Variants in MTF1 observed in about 807,000 individuals in gnomAD.
The protein encoded by MTF1 is metal regulatory transcription factor 1.
Under a neutral mutation model 70.4 loss-of-function variants are expected in MTF1, and 22 were observed. That is an observed-to-expected ratio of 0.31 (90% CI 0.22 to 0.45). The LOEUF (loss-of-function observed/expected upper bound fraction) is 0.45. Ranked by LOEUF, MTF1 falls within the 20% of genes least tolerant of loss-of-function variation. MTF1 has a pLI of 1.00. For missense variants in MTF1, 649 were observed against 922.0 expected, an observed-to-expected ratio of 0.70 and a Z score of 3.83; for synonymous variants, 333 against 352.8, an observed-to-expected ratio of 0.94 and a Z score of 0.63.
At chr1:37,848,241 C>A in intron 2 of MTF1, among the ~76,000 whole-genome samples, 1 of 152,148 alleles carries the variant, frequency 6.6e-6, no homozygotes, top group East Asian at 1.9e-4. Context: ...GAACATCCAG[C>A]GAACAATCAT....
chr1:37,816,400 C>A (rs1376018503), intron 10 of MTF1, among the ~76,000 whole-genome samples: 4 of 151,776 alleles, frequency 2.6e-5, no homozygotes, highest in African/African-American at 7.3e-5. Flanking sequence ...TTAGGCCGGG[C>A]GTGGTGGCTC....
At chr1:37,821,307 G>A (rs1433297260) in intron 9 of MTF1, among the ~76,000 whole-genome samples, 2 of 152,002 alleles carry the variant, frequency 1.3e-5, no homozygotes, top group Non-Finnish European at 2.9e-5. Flanking sequence ...CTGACACATT[G>A]CAGATCCTCA....
intron 7 of MTF1, among the ~76,000 whole-genome samples, chr1:37,824,501 C>A (rs1014669189): frequency 6.6e-6 from 1 of 152,112 alleles, no homozygotes; most frequent in African/African-American, 2.4e-5. Context: ...AGTTTGAGAC[C>A]AGCCTGGAAA....
intron 6 of MTF1, among the ~76,000 whole-genome samples, chr1:37,832,868 C>A (rs950435238): frequency 6.6e-6 from 1 of 151,690 alleles, no homozygotes; most frequent in African/African-American, 2.4e-5. Flanking sequence ...TAGCTAGGCG[C>A]GGTGGTGTGT....
chr1:37,822,432 G>T lies in MTF1; in HGVS notation c.1456C>A (p.Leu486Ile). 2 of 1,614,180 alleles carry T rather than the reference G, an allele frequency of 1.2e-6. No individual in the cohort carries two copies. The highest frequency in any genetic ancestry group is 1.7e-6 in the Non-Finnish European group (2 of 1,180,030). The change falls in exon 9 of 11, where the codon CTT (leucine) becomes ATT (isoleucine). Residue 486 changes from leucine (L) to isoleucine (I), a missense_variant. By Grantham distance (5) the Leu-to-Ile change is conservative. Around this residue, in one of 7 missense-constraint regions of MTF1, gnomAD observed 267 missense variants for 292.1 expected, o/e 0.91. Transcript: ENST00000373036. ...GGCTGCGGTGCCTGGGGGTGCGGAA[G>T]AAACTCTTGATGATTAGCAGCAAAC... ...TQFAANHQEF[L>I]PHPQAPQPIV...
At chr1:37,818,990 G>C (rs1214506937) in intron 9 of MTF1, among the ~76,000 whole-genome samples, 4 of 137,004 alleles carry the variant, frequency 2.9e-5, no homozygotes, top group Non-Finnish European at 6.3e-5. Flanking sequence ...GAGACTCCGT[G>C]TCAAAACAAA....
chr1:37,831,280 A>C (rs1641082104), intron 7 of MTF1, among the ~76,000 whole-genome samples: 1 of 152,208 alleles, frequency 6.6e-6, no homozygotes, highest in Admixed American at 6.5e-5. Context: ...ATAAAAATGC[A>C]GGTTCAGATG....
At chr1:37,850,376 T>C (rs939614127) in intron 2 of MTF1, among the ~76,000 whole-genome samples, 40 of 151,858 alleles carry the variant, frequency 2.6e-4, no homozygotes, top group Non-Finnish European at 4.6e-4. Context: ...GGCAGGAGGA[T>C]TGCTTGAGCC....
At chr1:37,842,115 A>C (rs1321521468) in intron 2 of MTF1, among the ~76,000 whole-genome samples, 1 of 152,070 alleles carries the variant, frequency 6.6e-6, no homozygotes, top group African/African-American at 2.4e-5. Context: ...CCAAAATACA[A>C]AAGTTAGCCA....
intron 4 of MTF1, among the ~76,000 whole-genome samples, chr1:37,837,530 G>A (rs973690407): frequency 2.0e-5 from 3 of 151,490 alleles, no homozygotes; most frequent in African/African-American, 7.3e-5. Context: ...TTTTGAGACA[G>A]AGTCTCACTC....
In MTF1 at chr1:37,810,498, A is replaced by G. The variant is rs1640703959; in HGVS notation, c.*4638T>C. ...ACAGGAGTAACAGTGAGAAATGCCC[A>G]GTGGTCGTCGGCTTCCCCAAAGGGC... On this transcript the variant is annotated 3_prime_UTR_variant, in exon 11 of 11. Transcript: ENST00000373036. 1 of 152,224 alleles carries G rather than the reference A, an allele frequency of 6.6e-6. No individual in the cohort carries two copies. The highest frequency in any genetic ancestry group is 2.4e-5 in the African/African-American group (1 of 41,456). The allele number at this position is 152,224 out of a possible 1,614,324, so 9.4% of individuals were successfully genotyped here.
chr1:37,814,848 A>C lies in MTF1; in HGVS notation c.*288T>G, dbSNP rs45572140. On this transcript the variant is annotated 3_prime_UTR_variant, in exon 11 of 11. Coordinates refer to ENST00000373036, the MANE Select transcript of MTF1 (RefSeq NM_005955.3). ...AATTTTTATGCACACGAGTAACCTT[A>C]GTTTCCAAGTTCACATGACAACAAG... 5 of 359,556 alleles carry C rather than the reference A, an allele frequency of 1.4e-5. No homozygotes were observed. Among genetic ancestry groups the C allele is most frequent in the Non-Finnish European group, 2.5e-5 (5 of 196,896 alleles). The allele number at this position is 359,556 out of a possible 1,614,324, so 22.3% of individuals were successfully genotyped here.
intron 2 of MTF1, among the ~76,000 whole-genome samples, chr1:37,849,931 T>C (rs962755050): frequency 1.3e-5 from 2 of 152,116 alleles, no homozygotes; most frequent in Admixed American, 1.3e-4. Flanking sequence ...ACGCAGCTGC[T>C]TCGAGACTTG....
intron 2 of MTF1, among the ~76,000 whole-genome samples, chr1:37,849,485 C>T (rs2148420527): frequency 6.6e-6 from 1 of 152,018 alleles, no homozygotes; most frequent in South Asian, 2.1e-4. Flanking sequence ...GATACCTTTC[C>T]TAATCAATGT....
In MTF1 at chr1:37,840,490, A is replaced by C. The variant is rs1394811880; in HGVS notation, c.409-332T>G. 2.1e-6 allele frequency: 1 copy of C among 475,618 alleles called. No individual in the cohort carries two copies. The highest frequency in any genetic ancestry group is 4.2e-6 in the Non-Finnish European group (1 of 240,178). 29.5% of individuals were successfully genotyped at this position (475,618 alleles called of 1,614,324 possible). A position where few individuals can be genotyped will look rare whatever the true frequency, so the allele number is the denominator to read the frequency against. Reference sequence around the variant, plus strand: ...CTACCTGTATTCAGATAAGATCTTAACTTTGTTTTAAGGCTTGACTAAACA... The same window carrying C: ...CTACCTGTATTCAGATAAGATCTTACCTTTGTTTTAAGGCTTGACTAAACA... On this transcript the variant is annotated intron_variant, in intron 2 of 10. Coordinates refer to ENST00000373036, the MANE Select transcript of MTF1 (RefSeq NM_005955.3). The surrounding 1 kb of genome is among the most constrained non-coding windows in gnomAD (Gnocchi z 4.5).
At chr1:37,835,562 C>T in intron 5 of MTF1, 109 bp downstream of exon 5, 1 of 826,152 alleles carries the variant, frequency 1.2e-6, no homozygotes, top group East Asian at 2.6e-5. Context: ...ATTATGCTCA[C>T]CTGAATATAT....
intron 7 of MTF1, among the ~76,000 whole-genome samples, chr1:37,824,070 C>G (rs1640964117): frequency 6.6e-6 from 1 of 152,100 alleles, no homozygotes; most frequent in Non-Finnish European, 1.5e-5. Flanking sequence ...GTCTTGAACT[C>G]CTGGGCTCAA....
intron 3 of MTF1, 54 bp downstream of exon 3, chr1:37,839,866 C>T (rs1641229923): frequency 2.1e-6 from 3 of 1,406,420 alleles, no homozygotes; most frequent in African/African-American, 1.4e-5. Context: ...AGAGCTCTGC[C>T]ATCACAACAA....
At chr1:37,859,197 G>A (rs61778084) in intron 1 of MTF1, among the ~76,000 whole-genome samples, 13 of 152,212 alleles carry the variant, frequency 8.5e-5, no homozygotes, top group African/African-American at 2.7e-4. Flanking sequence ...AGACCAGGAG[G>A]TTTGAGGGTA....
Sources: gnomAD v4.1 joint callset for allele counts (sites outside exome capture counted in the v4.1 genomes callset) on GRCh38, gnomAD v4.1.1 for gene constraint, gnomAD v4.1.1 regional missense constraint, Gnocchi (gnomAD v3.1) non-coding constraint, MANE v1.5 for transcripts, NCBI Gene and HGNC (gene_info 2026-07-23, HGNC 2026-07-21) for gene names.